The following PTPRD variants were observed in gnomAD, a reference collection of about 807,000 sequenced individuals.
The protein encoded by PTPRD is protein tyrosine phosphatase receptor type D, also known as receptor-type tyrosine-protein phosphatase delta.
A neutral mutation model predicts 214.5 loss-of-function variants in PTPRD; 34 were observed. The ratio of observed to expected loss-of-function variants is 0.16; its 90% CI spans 0.12 to 0.21. PTPRD has a LOEUF of 0.21. Among genes scored for constraint, PTPRD ranks in the 10% least tolerant of loss-of-function variants. PTPRD has a pLI of 1.00. For missense variants in PTPRD, 2,545 were observed against 2,398.7 expected (o/e 1.06, Z -1.27); for synonymous variants, 1,128 against 845.7 (o/e 1.33, Z -5.79).
intron 10 of PTPRD, among the ~76,000 whole-genome samples, chr9:9,047,926 C>A (rs909732052): frequency 3.3e-5 from 5 of 151,894 alleles, no homozygotes; most frequent in African/African-American, 1.2e-4. Context: ...AGGAAACAAT[C>A]AAAAAAGTGA....
At chr9:9,185,787 C>A (rs2099931027) in intron 9 of PTPRD, among the ~76,000 whole-genome samples, 1 of 151,988 alleles carries the variant, frequency 6.6e-6, no homozygotes, top group Non-Finnish European at 1.5e-5. Flanking sequence ...TAAAGCATTT[C>A]TCTAGTGTCA....
At position 9,063,657 on chromosome 9, in the gene PTPRD, G is replaced by C. The variant is rs934340559; in HGVS notation, c.-142-44922C>G. On this transcript the variant is annotated intron_variant, in intron 10 of 45. Coordinates refer to ENST00000381196, the MANE Select transcript of PTPRD (RefSeq NM_002839.4). ...AGCAGGGCTCAAAAACATACAGTGA[G>C]TGAAAAACCAAATGCATATCAAAAC... Among the ~76,000 whole-genome samples the C allele has an allele frequency of 1.3e-4, 20 of 152,156 alleles. No individual in the cohort carries two copies. In the East Asian group the frequency reaches 1.7e-3, roughly 13 times the overall value.
chr9:9,887,675 G>C (rs148682133), intron 5 of PTPRD, among the ~76,000 whole-genome samples: 1 of 152,248 alleles, frequency 6.6e-6, no homozygotes, highest in Non-Finnish European at 1.5e-5. Flanking sequence ...ACAGTTTCTA[G>C]TGAAAGACCT....
intron 8 of PTPRD, among the ~76,000 whole-genome samples, chr9:9,403,427 C>CTCTCTCTG (rs1160168416): frequency 6.6e-6 from 1 of 151,036 alleles, no homozygotes; most frequent in South Asian, 2.1e-4. Context: ...CTCTTTCTCT[C>CTCTCTCTG]TCTCTCTCCA....
intron 11 of PTPRD, among the ~76,000 whole-genome samples, chr9:9,017,251 A>T (rs979850810): frequency 6.6e-6 from 1 of 152,148 alleles, no homozygotes; most frequent in Non-Finnish European, 1.5e-5. Flanking sequence ...TACTTGTTTT[A>T]TCTTTATGCC....
chr9:9,324,947 G>C (rs1479657529), intron 9 of PTPRD, among the ~76,000 whole-genome samples: 1 of 152,164 alleles, frequency 6.6e-6, no homozygotes, highest in Non-Finnish European at 1.5e-5. Context: ...ATTAAATAGG[G>C]AATCCTTTCC....
chr9:9,456,048 A>T (rs1336002094), intron 8 of PTPRD, among the ~76,000 whole-genome samples: 2 of 151,894 alleles, frequency 1.3e-5, no homozygotes, highest in East Asian at 3.9e-4. Context: ...ACCAAACATT[A>T]AAGAAAATAC....
intron 2 of PTPRD, among the ~76,000 whole-genome samples, chr9:10,588,454 A>ACACACACACACACACT (rs1202398270): frequency 1.3e-5 from 2 of 151,224 alleles, no homozygotes; most frequent in Non-Finnish European, 3.0e-5. Context: ...ACACACACAC[A>ACACACACACACACACT]CTCACAATGA....
chr9:8,504,416 T>A lies in PTPRD; in HGVS notation c.1678-11A>T, dbSNP rs2137241613. The A allele has an allele frequency of 6.2e-7, 1 of 1,614,030 alleles. No homozygotes were observed. The highest frequency in any genetic ancestry group is 8.5e-7 in the Non-Finnish European group (1 of 1,179,928). The stretch of plus-strand genomic sequence containing the variant: ...AATGGTAATTCGTTGCTGGAAGCAA[T>A]AAGAGAATGTGGTCATCTTCATTAA... On this transcript the variant is annotated splice_polypyrimidine_tract_variant and intron_variant, in intron 22 of 45. Coordinates refer to ENST00000381196, the MANE Select transcript of PTPRD (RefSeq NM_002839.4).
At chr9:9,281,579 A>G (rs1947713335) in intron 9 of PTPRD, among the ~76,000 whole-genome samples, 1 of 151,470 alleles carries the variant, frequency 6.6e-6, no homozygotes, top group Non-Finnish European at 1.5e-5. Context: ...AGTGTCCACA[A>G]TGCAAAATAT....
At chr9:9,509,125 G>C (rs2096638716) in intron 8 of PTPRD, among the ~76,000 whole-genome samples, 1 of 151,636 alleles carries the variant, frequency 6.6e-6, no homozygotes, top group African/African-American at 2.4e-5. Context: ...AGCAAGCTCA[G>C]AAAGTAGATT....
intron 3 of PTPRD, among the ~76,000 whole-genome samples, chr9:10,210,055 T>C (rs1031777310): frequency 6.6e-6 from 1 of 152,130 alleles, no homozygotes; most frequent in Non-Finnish European, 1.5e-5. Context: ...GGTGAAAAAG[T>C]TTATTTCTGA....
intron 3 of PTPRD, among the ~76,000 whole-genome samples, chr9:10,043,655 T>C (rs980864487): frequency 6.6e-6 from 1 of 151,752 alleles, no homozygotes; most frequent in African/African-American, 2.4e-5. Context: ...AAAGGTGAGA[T>C]GATGGTTCAC....
At chr9:9,657,028 C>T (rs1328899629) in intron 7 of PTPRD, among the ~76,000 whole-genome samples, 1 of 151,984 alleles carries the variant, frequency 6.6e-6, no homozygotes, top group Non-Finnish European at 1.5e-5. Context: ...GTGTAGTATG[C>T]ACTCAATAAA....
intron 9 of PTPRD, among the ~76,000 whole-genome samples, chr9:9,208,787 G>T (rs2099946594): frequency 6.6e-6 from 1 of 151,672 alleles, no homozygotes; most frequent in African/African-American, 2.4e-5. Flanking sequence ...AAAGAAGAAA[G>T]AAACCCAGAG....
intron 3 of PTPRD, among the ~76,000 whole-genome samples, chr9:10,134,930 G>A (rs1356328151): frequency 1.3e-5 from 2 of 152,096 alleles, no homozygotes. Context: ...GGGAGGCAAG[G>A]AAGCTCAATA....
chr9:9,404,464 A>G (rs1232608616), intron 8 of PTPRD, among the ~76,000 whole-genome samples: 3 of 152,120 alleles, frequency 2.0e-5, no homozygotes, highest in African/African-American at 7.2e-5. Flanking sequence ...AGTGAAAAAA[A>G]GATATTAAGG....
At chr9:10,024,397 A>G (rs1193062901) in intron 4 of PTPRD, among the ~76,000 whole-genome samples, 2 of 152,108 alleles carry the variant, frequency 1.3e-5, no homozygotes, top group Non-Finnish European at 2.9e-5. Context: ...GAGAAAATGG[A>G]ACCCCTTATT....
intron 42 of PTPRD, among the ~76,000 whole-genome samples, chr9:8,339,643 A>C (rs1177718359): frequency 6.6e-6 from 1 of 152,110 alleles, no homozygotes; most frequent in Non-Finnish European, 1.5e-5. Flanking sequence ...GGGGCTCTAC[A>C]AGTTGGGCTT....
Sources: allele counts gnomAD v4.1 joint callset (sites outside exome capture counted in the v4.1 genomes callset), GRCh38; gene constraint gnomAD v4.1.1; transcripts MANE v1.5; gene names NCBI Gene and HGNC (gene_info 2026-07-23, HGNC 2026-07-21).